Variants in ARHGDIA observed in about 807,000 individuals in gnomAD.
ARHGDIA encodes Rho GDP dissociation inhibitor alpha, also known as rho GDP-dissociation inhibitor 1.
A neutral mutation model predicts 25.0 loss-of-function variants in ARHGDIA; 9 were observed. The observed-to-expected ratio is 0.36, with a 90% CI of 0.22 to 0.63. The LOEUF is 0.63. Ranked by LOEUF, ARHGDIA falls within the 20% of genes least tolerant of loss-of-function variation. The pLI is 0.69. For missense variants in ARHGDIA, 239 were observed against 264.3 expected (o/e 0.90, Z 0.66); for synonymous variants, 166 against 111.5 (o/e 1.49, Z -3.08).
chr17:81,870,029 G>A (rs764810850), intron 1 of ARHGDIA, 72 bp from the exon 2 acceptor site: 2 of 1,445,878 alleles, frequency 1.4e-6, no homozygotes, highest in Non-Finnish European at 1.9e-6. Flanking sequence ...AGGAGTGTGG[G>A]CTGCAGCCGG....
chr17:81,869,946 G>T lies in ARHGDIA; in HGVS notation c.-16C>A, dbSNP rs372957569. 5 of 1,611,454 alleles carry T rather than the reference G, an allele frequency of 3.1e-6. No homozygotes were observed. In the African/African-American group the frequency reaches 6.7e-5, roughly 22 times the overall value. ...GCTCAGCCATGCTCAAGCTTAGCCT[G>T]GGTCGGGACACCTGTGGGCGGGACG... On this transcript the variant is annotated 5_prime_UTR_variant, in exon 2 of 6. Coordinates refer to ENST00000269321, the MANE Select transcript of ARHGDIA (RefSeq NM_004309.6).
Position 81,868,678 on chromosome 17 carries a change from G to A in ARHGDIA, c.*198C>T, listed in dbSNP as rs773673054. ...AGCAACGAGACAGGAGACCGAGGAG[G>A]CTGGGCCTGTGGGTGGGGGAGGGCT... On this transcript the variant is annotated 3_prime_UTR_variant, in exon 6 of 6. Coordinates refer to ENST00000269321, the MANE Select transcript of ARHGDIA (RefSeq NM_004309.6). The A allele has an allele frequency of 2.1e-5, 32 of 1,534,676 alleles. No homozygotes were observed. The South Asian group carries it at 3.8e-4, about 18-fold the overall frequency.
chr17:81,868,432 G>C lies in ARHGDIA; in HGVS notation c.*444C>G. 1 of 1,462,952 alleles carries C rather than the reference G, an allele frequency of 6.8e-7. No homozygotes were observed. The highest frequency in any genetic ancestry group is 1.4e-5 in the African/African-American group (1 of 70,650). The allele number at this position is 1,462,952 out of a possible 1,614,324, so 90.6% of individuals were successfully genotyped here. A position where few individuals can be genotyped will look rare whatever the true frequency, so the allele number is the denominator to read the frequency against. ...CTGGCCAGGGAGCAGCGGGGCTGGA[G>C]GACGGCCCGGCCCCCACGAGGCCGT... On this transcript the variant is annotated 3_prime_UTR_variant, in exon 6 of 6. Transcript: ENST00000269321.
rs373508832 is a variant in ARHGDIA at position 81,868,861 on chromosome 17, C to G, written c.*15G>C. Reference sequence around the variant, plus strand: ...CGTCCGTCCGTCAGTCTGCCCTGCCCGCCTCTGGCTGGGCTCAGTCCTTCC... The same window carrying G: ...CGTCCGTCCGTCAGTCTGCCCTGCCGGCCTCTGGCTGGGCTCAGTCCTTCC... On this transcript the variant is annotated 3_prime_UTR_variant, in exon 6 of 6. Transcript: ENST00000269321. 6 of 1,613,292 alleles carry G rather than the reference C, an allele frequency of 3.7e-6. No individual in the cohort carries two copies. The highest frequency in any genetic ancestry group is 5.1e-6 in the Non-Finnish European group (6 of 1,179,838).
chr17:81,868,899 T>C lies in ARHGDIA; in HGVS notation c.592A>G (p.Ile198Val). The change falls in exon 6 of 6, where the codon ATC (isoleucine) becomes GTC (valine). Residue 198 changes from isoleucine to valine, a missense_variant. Ile to Val is a conservative substitution (Grantham distance 29). Transcript: ENST00000269321. ...GCTCAGTCCTTCCAGTCCTTCTTGA[T>C]GGTGAGATTCCACTCCCAGGACAGG... ...DHLSWEWNLT[I>V]KKDWKD 6.2e-7 allele frequency: 1 copy of C among 1,613,748 alleles called. No homozygotes were observed. The highest frequency in any genetic ancestry group is 1.7e-5 in the Admixed American group (1 of 60,018).
intron 4 of ARHGDIA, 47 bp from the exon 5 acceptor site, chr17:81,869,283 G>A (rs754555534): frequency 1.4e-5 from 23 of 1,613,982 alleles, no homozygotes; most frequent in East Asian, 2.2e-5. Flanking sequence ...CCGGACCCCA[G>A]CCCCAGCCCC....
At chr17:81,870,422 G>A (rs938953923) in intron 1 of ARHGDIA, among the ~76,000 whole-genome samples, 9 of 152,218 alleles carry the variant, frequency 5.9e-5, no homozygotes, top group Admixed American at 5.9e-4. Flanking sequence ...GGTCGGCTCA[G>A]CGTCATCTTT....
intron 3 of ARHGDIA, 39 bp from the exon 4 acceptor site, chr17:81,869,445 C>G: frequency 6.2e-7 from 1 of 1,612,818 alleles, no homozygotes; most frequent in Non-Finnish European, 8.5e-7. Flanking sequence ...TGCCCAGCAG[C>G]CCTGCGCGAA....
In ARHGDIA at chr17:81,871,043, C is replaced by T. The variant is rs575200386; in HGVS notation, c.-28+255G>A. ...CGGCACTCCCCTGGTCCCCGCCGCCCCTCCGGCCCGGGACCCGCACGTGGG... is the reference window on the plus strand; with the variant it reads ...CGGCACTCCCCTGGTCCCCGCCGCCTCTCCGGCCCGGGACCCGCACGTGGG... On this transcript the variant is annotated intron_variant, in intron 1 of 5. Coordinates refer to ENST00000269321, the MANE Select transcript of ARHGDIA (RefSeq NM_004309.6). 18 of 148,932 alleles carry T rather than the reference C, an allele frequency of 1.2e-4. No individual in the cohort carries two copies. The East Asian group carries it at 3.5e-3, about 29-fold the overall frequency. The allele number at this position is 148,932 out of a possible 1,614,324, so 9.2% of individuals were successfully genotyped here.
At chr17:81,871,134 T>C (rs2039284901) in intron 1 of ARHGDIA, among the ~76,000 whole-genome samples, 164 bp downstream of exon 1, 1 of 137,950 alleles carries the variant, frequency 7.2e-6, no homozygotes, top group Admixed American at 7.0e-5. Flanking sequence ...TGGCCCGCTG[T>C]CACCGCGCCC....
At position 81,869,914 on chromosome 17, in the gene ARHGDIA, G is replaced by A. The variant is rs769456853; in HGVS notation, c.17C>T (p.Pro6Leu). The A allele has an allele frequency of 6.8e-6, 11 of 1,613,614 alleles. No individual in the cohort carries two copies. The East Asian group carries it at 1.1e-4, about 16-fold the overall frequency. Reference protein sequence around the residue: MAEQEPTAEQLAQIAA... With the variant: MAEQELTAEQLAQIAA... ...AATCTGGGCCAGCTGCTCGGCTGTG[G>A]GCTCCTGCTCAGCCATGCTCAAGCT... is the stretch of plus-strand genomic sequence containing the variant. Residue 6 changes from proline (P) to leucine (L), a missense_variant, in exon 2 of 6, where the codon CCC becomes CTC. This residue lies in a region of ARHGDIA where 135 missense variants were observed against 119.8 expected (regional missense o/e 1.13). Transcript: ENST00000269321.
chr17:81,868,269 A>C lies in ARHGDIA; in HGVS notation c.*607T>G. On this transcript the variant is annotated 3_prime_UTR_variant, in exon 6 of 6. Transcript: ENST00000269321. ...AGCACACCCCACGTGTCCCTGGGTC[A>C]CTGGGTTCGCCACCGGGGAAGGGAC... 1 of 1,230,298 alleles carries C rather than the reference A, an allele frequency of 8.1e-7. No homozygotes were observed. The highest frequency in any genetic ancestry group is 1.1e-6 in the Non-Finnish European group (1 of 926,554). The allele number at this position is 1,230,298 out of a possible 1,614,324, so 76.2% of individuals were successfully genotyped here.
chr17:81,869,867 C>T lies in ARHGDIA; in HGVS notation c.64G>A (p.Glu22Lys), dbSNP rs1342693265. The T allele has an allele frequency of 1.2e-5, 19 of 1,613,980 alleles. No individual in the cohort carries two copies. Among genetic ancestry groups the T allele is most frequent in the Non-Finnish European group, 1.4e-5 (17 of 1,180,030 alleles). ...GGGGGCTTGTAGTTGACCGAGTGCT[C>T]ATCCTCCTCGTTCTCCGCTGCAATC... ...AQIAAENEEDEHSVNYKPPAQ... is the reference protein window; with the variant it reads ...AQIAAENEEDKHSVNYKPPAQ... Residue 22 changes from glutamate (E) to lysine (K), a missense_variant, in exon 2 of 6, where the codon GAG (glutamate) becomes AAG (lysine). Glu to Lys is a moderately conservative substitution (Grantham distance 56). Around this residue, in one of 3 missense-constraint regions of ARHGDIA, gnomAD observed 135 missense variants for 119.8 expected, o/e 1.13. Coordinates refer to ENST00000269321, the MANE Select transcript of ARHGDIA (RefSeq NM_004309.6).
At position 81,868,290 on chromosome 17, in the gene ARHGDIA, G is replaced by A; in HGVS notation, c.*586C>T. ...GGTCACTGGGTTCGCCACCGGGGAA[G>A]GGACGGGGAGGCCACATGCTCATGC... On this transcript the variant is annotated 3_prime_UTR_variant, in exon 6 of 6. Transcript: ENST00000269321. The A allele has an allele frequency of 7.4e-7, 1 of 1,345,428 alleles. No individual in the cohort carries two copies. The highest frequency in any genetic ancestry group is 9.7e-7 in the Non-Finnish European group (1 of 1,032,260). The allele number at this position is 1,345,428 out of a possible 1,614,324, so 83.3% of individuals were successfully genotyped here.
chr17:81,869,451 G>T, intron 3 of ARHGDIA, 45 bp from the exon 4 acceptor site: 1 of 1,612,368 alleles, frequency 6.2e-7, no homozygotes, highest in South Asian at 1.1e-5. Flanking sequence ...GCAGCCCTGC[G>T]CGAAGCCCCA....
At chr17:81,869,649 G>A in intron 2 of ARHGDIA, 24 bp from the exon 3 acceptor site, 1 of 1,523,574 alleles carries the variant, frequency 6.6e-7, no homozygotes. Context: ...GCAGGTGAGG[G>A]CCCCACCCCC....
chr17:81,868,334 G>C lies in ARHGDIA; in HGVS notation c.*542C>G. 7.0e-7 allele frequency: 1 copy of C among 1,423,238 alleles called. No individual in the cohort carries two copies. The highest frequency in any genetic ancestry group is 9.2e-7 in the Non-Finnish European group (1 of 1,090,002). 88.2% of individuals were successfully genotyped at this position (1,423,238 alleles called of 1,614,324 possible). A position where few individuals can be genotyped will look rare whatever the true frequency, so the allele number is the denominator to read the frequency against. ...CTCATGCAGACACAGGGAGTTAGAG[G>C]CTAGTGAGGCCCCACGGTACACTCC... On this transcript the variant is annotated 3_prime_UTR_variant, in exon 6 of 6. Coordinates refer to ENST00000269321, the MANE Select transcript of ARHGDIA (RefSeq NM_004309.6).
Position 81,868,824 on chromosome 17 carries a change from C to A in ARHGDIA, c.*52G>T. On this transcript the variant is annotated 3_prime_UTR_variant, in exon 6 of 6. Transcript: ENST00000269321. ...AGGGGAGGGGCTGGGGGGGACACAT[C>A]CGCCTGTCCGTCGTCCGTCCGTCAG... 1 of 1,611,152 alleles carries A rather than the reference C, an allele frequency of 6.2e-7. No homozygotes were observed. Among genetic ancestry groups the A allele is most frequent in the African/African-American group, 1.3e-5 (1 of 75,006 alleles).
Position 81,869,423 on chromosome 17 carries a change from C to T in ARHGDIA, c.275-17G>A, listed in dbSNP as rs1038500522. On this transcript the variant is annotated splice_polypyrimidine_tract_variant and intron_variant, in intron 3 of 5. Coordinates refer to ENST00000269321, the MANE Select transcript of ARHGDIA (RefSeq NM_004309.6). Reference sequence around the variant, plus strand: ...CCAGGTCGCCTGTTGGGGGGACCTCCCCCTCAATGACTGCCCAGCAGCCCT... The same window carrying T: ...CCAGGTCGCCTGTTGGGGGGACCTCTCCCTCAATGACTGCCCAGCAGCCCT... 3.7e-6 allele frequency: 6 copies of T among 1,613,106 alleles called. No individual in the cohort carries two copies. The highest frequency in any genetic ancestry group is 3.3e-5 in the Admixed American group (2 of 60,012).
Sources: gnomAD v4.1 joint callset for allele counts (sites outside exome capture counted in the v4.1 genomes callset) on GRCh38, gnomAD v4.1.1 for gene constraint, gnomAD v4.1.1 regional missense constraint, MANE v1.5 for transcripts, NCBI Gene and HGNC (gene_info 2026-07-23, HGNC 2026-07-21) for gene names.